MAGI2: variants seen among roughly 807,000 people sequenced by gnomAD.
MAGI2 encodes membrane associated guanylate kinase, WW and PDZ domain containing 2.
In MAGI2, 35 loss-of-function variants were observed where a neutral mutation model predicts 133.3. That is an observed-to-expected ratio of 0.26 (90% CI 0.20 to 0.35). MAGI2 has a LOEUF of 0.35. MAGI2 is among the 10% of genes least tolerant of loss of function. The pLI is 1.00. For missense variants in MAGI2, 1,636 were observed against 1,863.4 expected (o/e 0.88, Z 2.25); for synonymous variants, 729 against 710.6 (o/e 1.03, Z -0.41).
intron 21 of MAGI2, among the ~76,000 whole-genome samples, chr7:78,050,017 A>C (rs1486779334): frequency 6.6e-6 from 1 of 152,160 alleles, no homozygotes; most frequent in Non-Finnish European, 1.5e-5. Flanking sequence ...TCTCTTTTCT[A>C]ATAACCATTT....
intron 9 of MAGI2, among the ~76,000 whole-genome samples, chr7:78,290,031 A>G (rs1035860646): frequency 1.3e-5 from 2 of 152,246 alleles, no homozygotes; most frequent in Non-Finnish European, 2.9e-5. Context: ...TGACACTATG[A>G]AGAAACTGCA....
At chr7:78,304,640 T>C (rs947442138) in intron 9 of MAGI2, among the ~76,000 whole-genome samples, 1 of 152,300 alleles carries the variant, frequency 6.6e-6, no homozygotes, top group East Asian at 1.9e-4. Flanking sequence ...GTGCTTACTT[T>C]CCACTTGAGA....
chr7:78,855,030 T>C (rs926163009), intron 2 of MAGI2, among the ~76,000 whole-genome samples: 19 of 152,076 alleles, frequency 1.2e-4, no homozygotes, highest in African/African-American at 4.3e-4. Flanking sequence ...TTTTTCTGTT[T>C]TTTTTTTGTA....
intron 2 of MAGI2, among the ~76,000 whole-genome samples, chr7:78,683,026 A>G (rs1228800450): frequency 6.6e-6 from 1 of 152,184 alleles, no homozygotes; most frequent in Non-Finnish European, 1.5e-5. Flanking sequence ...CTAGCTTGTA[A>G]TAAATCCAGA....
intron 6 of MAGI2, among the ~76,000 whole-genome samples, chr7:78,413,790 G>T (rs1300584855): frequency 1.3e-5 from 2 of 152,144 alleles, no homozygotes; most frequent in Non-Finnish European, 2.9e-5. Context: ...ACGGGCCAAG[G>T]AAGAGAAGGA....
intron 2 of MAGI2, among the ~76,000 whole-genome samples, chr7:78,694,952 G>A (rs548141031): frequency 2.6e-5 from 4 of 152,272 alleles, no homozygotes; most frequent in South Asian, 2.1e-4. Flanking sequence ...TGGTCCAGGC[G>A]TGGTGGCTCA....
intron 2 of MAGI2, among the ~76,000 whole-genome samples, chr7:78,732,743 A>G (rs1259407357): frequency 1.3e-5 from 2 of 152,160 alleles, no homozygotes; most frequent in African/African-American, 2.4e-5. Context: ...AGTAGATGGC[A>G]ATGATTATAT....
chr7:78,885,310 A>T (rs1412328302), intron 2 of MAGI2, among the ~76,000 whole-genome samples: 4 of 152,210 alleles, frequency 2.6e-5, no homozygotes, highest in African/African-American at 9.7e-5. Context: ...TGTAAAATAA[A>T]AGTTGAAATT....
chr7:78,658,435 C>A (rs1812543496), intron 2 of MAGI2, among the ~76,000 whole-genome samples: 2 of 152,220 alleles, frequency 1.3e-5, no homozygotes, highest in South Asian at 4.1e-4. Flanking sequence ...AGACTTGACA[C>A]CAAAAGCACA....
chr7:79,235,760 C>A (rs147070614), intron 1 of MAGI2, among the ~76,000 whole-genome samples: 1 of 152,194 alleles, frequency 6.6e-6, no homozygotes, highest in Non-Finnish European at 1.5e-5. Flanking sequence ...TCTTCTGCGT[C>A]GCTCACGCTG....
chr7:78,933,508 A>C (rs915665137), intron 2 of MAGI2, among the ~76,000 whole-genome samples: 4 of 152,158 alleles, frequency 2.6e-5, no homozygotes, highest in Non-Finnish European at 5.9e-5. Flanking sequence ...ATGATGAACA[A>C]TATGCAAAAA....
chr7:78,875,382 G>A (rs1795339294), intron 2 of MAGI2, among the ~76,000 whole-genome samples: 1 of 152,120 alleles, frequency 6.6e-6, no homozygotes, highest in Admixed American at 6.6e-5. Context: ...GAGAACCACA[G>A]AAAGAATGTC....
chr7:78,781,194 C>G (rs1257170942), intron 2 of MAGI2, among the ~76,000 whole-genome samples: 1 of 151,654 alleles, frequency 6.6e-6, no homozygotes, highest in African/African-American at 2.4e-5. Flanking sequence ...TTGACTAACA[C>G]GGTGAAACCC....
At chr7:78,211,229 A>AC (rs944199697) in intron 10 of MAGI2, among the ~76,000 whole-genome samples, 4 of 147,352 alleles carry the variant, frequency 2.7e-5, no homozygotes, top group African/African-American at 7.3e-5. Context: ...CAGTGGGTGA[A>AC]CCCCCCAGGA....
chr7:78,465,023 T>A (rs577524286), intron 6 of MAGI2, among the ~76,000 whole-genome samples: 18 of 152,270 alleles, frequency 1.2e-4, no homozygotes, highest in African/African-American at 4.3e-4. Flanking sequence ...AGAATACGAA[T>A]TGAAAAAGTT....
At chr7:79,317,117 G>A (rs933743381) in intron 1 of MAGI2, among the ~76,000 whole-genome samples, 5 of 145,626 alleles carry the variant, frequency 3.4e-5, no homozygotes, top group Non-Finnish European at 4.5e-5. Flanking sequence ...CTGCCTCCCC[G>A]GTTCAAGCTA....
chr7:78,448,276 C>G (rs1435858241), intron 6 of MAGI2, among the ~76,000 whole-genome samples: 1 of 152,002 alleles, frequency 6.6e-6, no homozygotes, highest in Non-Finnish European at 1.5e-5. Flanking sequence ...ATTTCGTTTC[C>G]TTTGAGTATA....
chr7:79,180,109 C>T (rs545433306), intron 1 of MAGI2, among the ~76,000 whole-genome samples: 20 of 151,944 alleles, frequency 1.3e-4, no homozygotes, highest in African/African-American at 3.9e-4. Flanking sequence ...GCAAAGAACA[C>T]GAATTGATAT....
intron 1 of MAGI2, among the ~76,000 whole-genome samples, chr7:79,328,976 G>A (rs1839883920): frequency 6.6e-6 from 1 of 152,086 alleles, no homozygotes; most frequent in African/African-American, 2.4e-5. Context: ...CAAATGTGGG[G>A]GCCCTACTGC....
Sources: allele counts gnomAD v4.1 joint callset (sites outside exome capture counted in the v4.1 genomes callset), GRCh38; gene constraint gnomAD v4.1.1; transcripts MANE v1.5; gene names NCBI Gene and HGNC (gene_info 2026-07-23, HGNC 2026-07-21).